SMYD3: variants seen among roughly 807,000 people sequenced by gnomAD.
The protein encoded by SMYD3 is histone-lysine N-methyltransferase SMYD3.
A neutral mutation model predicts 57.7 loss-of-function variants in SMYD3; 36 were observed. The observed-to-expected ratio is 0.62, with a 90% confidence interval of 0.48 to 0.82. The LOEUF (loss-of-function observed/expected upper bound fraction) is 0.82, where lower values mean the gene tolerates loss of function less well. Ranked by LOEUF, SMYD3 falls within the 40% of genes least tolerant of loss-of-function variation. SMYD3 has a pLI of 0.00. For missense variants in SMYD3, 515 were observed against 538.8 expected (o/e 0.96, Z 0.44); for synonymous variants, 211 against 195.0 (o/e 1.08, Z -0.68).
chr1:245,813,860 C>CTAGATA (rs2048630530), intron 10 of SMYD3, among the ~76,000 whole-genome samples: 1 of 146,962 alleles, frequency 6.8e-6, no homozygotes, highest in African/African-American at 2.6e-5. Context: ...TCATGGAGCC[C>CTAGATA]TATATATATA....
chr1:245,895,860 G>A (rs569452335), intron 8 of SMYD3, among the ~76,000 whole-genome samples: 2 of 152,284 alleles, frequency 1.3e-5, no homozygotes, highest in South Asian at 4.2e-4. Context: ...AGAAGGAAAC[G>A]AGGGAAGGCA....
intron 10 of SMYD3, among the ~76,000 whole-genome samples, chr1:245,824,867 A>C (rs1458914295): frequency 2.0e-5 from 3 of 151,112 alleles, no homozygotes; most frequent in South Asian, 2.1e-4. Flanking sequence ...AAAAAAAAAA[A>C]AACAAAAAAA....
rs577803806 is a variant in SMYD3, at chr1:246,423,107, A to C, written c.165-68013T>G. The stretch of plus-strand genomic sequence containing the variant: ...AGGTCAGGAGTTCGAGACCAGTCTG[A>C]CCAACATGGTGAAACCCTGTCTCTT... On this transcript the variant is annotated intron_variant, in intron 1 of 11. Transcript: ENST00000490107. Among the ~76,000 whole-genome samples the C allele has an allele frequency of 2.0e-5, 3 of 152,030 alleles. No homozygotes were observed. The South Asian group carries it at 6.2e-4, about 32-fold the overall frequency.
At chr1:245,764,355 G>A (rs1398559563) in intron 10 of SMYD3, among the ~76,000 whole-genome samples, 3 of 148,512 alleles carry the variant, frequency 2.0e-5, no homozygotes, top group African/African-American at 7.4e-5. Context: ...TGTGTTTTGT[G>A]TTAGGGAAAA....
At chr1:246,253,046 TACTTC>T (rs2148503510) in intron 5 of SMYD3, among the ~76,000 whole-genome samples, 1 of 152,338 alleles carries the variant, frequency 6.6e-6, no homozygotes, top group Non-Finnish European at 1.5e-5. Context: ...AGCTCAAAAG[TACTTC>T]TAAAAAGGAT....
At chr1:245,961,926 G>A (rs1012381904) in intron 5 of SMYD3, among the ~76,000 whole-genome samples, 6 of 152,266 alleles carry the variant, frequency 3.9e-5, no homozygotes, top group East Asian at 3.9e-4. Context: ...TAAACTGCAC[G>A]GTTATTACAG....
chr1:246,327,856 A>G (rs1319795877), intron 4 of SMYD3, among the ~76,000 whole-genome samples: 1 of 152,214 alleles, frequency 6.6e-6, no homozygotes, highest in Non-Finnish European at 1.5e-5. Flanking sequence ...TAGAACAGGG[A>G]TCAAGCACAG....
At chr1:246,108,973 G>C (rs2061179858) in intron 5 of SMYD3, among the ~76,000 whole-genome samples, 1 of 152,104 alleles carries the variant, frequency 6.6e-6, no homozygotes, top group Admixed American at 6.5e-5. Flanking sequence ...TTTGACACTA[G>C]GTAGGGTTAC....
intron 5 of SMYD3, among the ~76,000 whole-genome samples, chr1:246,002,654 A>C (rs140280732): frequency 1.6e-5 from 1 of 62,710 alleles, no homozygotes; most frequent in African/African-American, 6.9e-5. Flanking sequence ...GGGTTTCACC[A>C]TGTTAGCCAG....
chr1:246,280,223 T>C (rs1164930632), intron 5 of SMYD3, among the ~76,000 whole-genome samples: 6 of 152,192 alleles, frequency 3.9e-5, no homozygotes, highest in African/African-American at 1.4e-4. Flanking sequence ...AAGCTATAAC[T>C]AAAACTAACT....
chr1:246,254,018 T>C (rs563390381), intron 5 of SMYD3, among the ~76,000 whole-genome samples: 1 of 152,112 alleles, frequency 6.6e-6, no homozygotes, highest in Non-Finnish European at 1.5e-5. Context: ...AAATCTGTTG[T>C]TTTTTACTTC....
intron 5 of SMYD3, among the ~76,000 whole-genome samples, chr1:246,118,117 G>A (rs944067920): frequency 3.4e-4 from 52 of 152,116 alleles, no homozygotes; most frequent in African/African-American, 1.2e-3. Context: ...ATATAAACCT[G>A]AAGTGCTAAA....
intron 5 of SMYD3, among the ~76,000 whole-genome samples, chr1:246,263,344 G>A (rs997552869): frequency 4.8e-5 from 6 of 124,572 alleles, no homozygotes; most frequent in Non-Finnish European, 8.4e-5. Flanking sequence ...CAGGATGTAT[G>A]TGACCTGGGC....
chr1:245,871,208 T>C (rs1313397768), intron 8 of SMYD3, among the ~76,000 whole-genome samples: 2 of 152,230 alleles, frequency 1.3e-5, no homozygotes, highest in African/African-American at 4.8e-5. Flanking sequence ...TTGGAAAGTC[T>C]TGAAATTAAA....
chr1:246,294,316 T>C (rs948161296), intron 5 of SMYD3, among the ~76,000 whole-genome samples: 4 of 152,186 alleles, frequency 2.6e-5, no homozygotes, highest in African/African-American at 7.2e-5. Flanking sequence ...GGGCCCACTA[T>C]GTTGCAGAGT....
intron 5 of SMYD3, among the ~76,000 whole-genome samples, chr1:245,994,140 G>A (rs964501263): frequency 5.3e-5 from 8 of 152,098 alleles, no homozygotes; most frequent in South Asian, 4.1e-4. Flanking sequence ...ATAAAATGTC[G>A]GAAGAGTTTC....
At chr1:246,303,538 T>C (rs952166416) in intron 5 of SMYD3, among the ~76,000 whole-genome samples, 2 of 152,184 alleles carry the variant, frequency 1.3e-5, no homozygotes, top group African/African-American at 2.4e-5. Context: ...TGTTATACTC[T>C]TTTTTAAATT....
At chr1:245,857,183 C>T (rs1169925294) in intron 10 of SMYD3, among the ~76,000 whole-genome samples, 1 of 152,182 alleles carries the variant, frequency 6.6e-6, no homozygotes, top group Non-Finnish European at 1.5e-5. Context: ...AAACCATCTA[C>T]AGAAGTCCCG....
intron 5 of SMYD3, among the ~76,000 whole-genome samples, chr1:245,941,966 C>T (rs1237191191): frequency 2.0e-5 from 3 of 152,190 alleles, no homozygotes; most frequent in Non-Finnish European, 4.4e-5. Context: ...CTTGCAAGAG[C>T]TCCTAAAGGA....
Sources: allele counts gnomAD v4.1 joint callset (sites outside exome capture counted in the v4.1 genomes callset), GRCh38; gene constraint gnomAD v4.1.1; transcripts MANE v1.5; gene names NCBI Gene and HGNC (gene_info 2026-07-23, HGNC 2026-07-21).